Variants in LARGE1 observed in about 807,000 individuals in gnomAD.
The protein encoded by LARGE1 is xylosyl- and glucuronyltransferase LARGE1.
In LARGE1, 43 loss-of-function variants were observed where a neutral mutation model predicts 87.6. The observed-to-expected ratio is 0.49, with a 90% CI of 0.38 to 0.63. LARGE1 has a LOEUF of 0.63. Among genes scored for constraint, LARGE1 ranks in the 30% least tolerant of loss-of-function variants. The pLI is 0.00. For missense variants in LARGE1, 802 were observed against 1,000.2 expected, an observed-to-expected ratio of 0.80 and a Z score of 2.67; for synonymous variants, 434 against 394.6, an observed-to-expected ratio of 1.10 and a Z score of -1.18.
chr22:33,608,161 G>A (rs574112479), intron 4 of LARGE1, among the ~76,000 whole-genome samples: 1 of 152,296 alleles, frequency 6.6e-6, no homozygotes, highest in East Asian at 1.9e-4. Flanking sequence ...TATTAACGGA[G>A]AATGGATAAA....
intron 10 of LARGE1, among the ~76,000 whole-genome samples, chr22:33,327,095 T>C (rs1937311706): frequency 6.6e-6 from 1 of 152,344 alleles, no homozygotes; most frequent in South Asian, 2.1e-4. Flanking sequence ...CATTCTGGGC[T>C]TTCTCCGGGA....
chr22:33,477,468 A>T (rs559127709), intron 6 of LARGE1, among the ~76,000 whole-genome samples: 1 of 152,302 alleles, frequency 6.6e-6, no homozygotes, highest in East Asian at 1.9e-4. Flanking sequence ...AAAATGTGTC[A>T]ATCTGTATTC....
intron 5 of LARGE1, among the ~76,000 whole-genome samples, chr22:33,599,529 G>C (rs2148956978): frequency 6.6e-6 from 1 of 152,268 alleles, no homozygotes; most frequent in Admixed American, 6.5e-5. Context: ...AGGCCATAGA[G>C]ATAGGCAGGC....
Position 33,520,898 on chromosome 22 carries a change from C to A in LARGE1, c.787+43950G>T, listed in dbSNP as rs1296166229. Among the ~76,000 whole-genome samples the A allele has an allele frequency of 2.0e-5, 3 of 152,194 alleles. No homozygotes were observed. The East Asian group carries it at 5.8e-4, about 29-fold the overall frequency. Reference sequence around the variant, plus strand: ...TGTATTTTCATTGCACTGATCAGCACCTGAAATCAATGTATCTATTAGTAA... The same window carrying A: ...TGTATTTTCATTGCACTGATCAGCAACTGAAATCAATGTATCTATTAGTAA... On this transcript the variant is annotated intron_variant, in intron 6 of 14. Transcript: ENST00000397394.
intron 7 of LARGE1, among the ~76,000 whole-genome samples, chr22:33,421,976 G>A (rs1157884845): frequency 6.6e-6 from 1 of 152,256 alleles, no homozygotes; most frequent in Non-Finnish European, 1.5e-5. Context: ...GTTAAGTGGA[G>A]AGAAGTAGCC....
In LARGE1 at chr22:33,283,280, A is replaced by G. The variant is rs1930821948; in HGVS notation, c.1799T>C (p.Leu600Pro). ...CTTGGGGAAGGACAGCCGGTAGCGCAGTGTCTCGAACGCGGGGACAATCAT... is the reference window on the plus strand; with the variant it reads ...CTTGGGGAAGGACAGCCGGTAGCGCGGTGTCTCGAACGCGGGGACAATCAT... The part of the protein sequence containing the change: ...KAMIVPAFET[L>P]RYRLSFPKSK... The change falls in exon 13 of 15, where the codon CTG (leucine) becomes CCG (proline). Residue 600 changes from leucine to proline, a missense_variant. By Grantham distance (98) the Leu-to-Pro change is moderately conservative. Coordinates refer to ENST00000397394, the MANE Select transcript of LARGE1 (RefSeq NM_133642.5). 1 of 1,614,040 alleles carries G rather than the reference A, an allele frequency of 6.2e-7. No individual in the cohort carries two copies. The highest frequency in any genetic ancestry group is 8.5e-7 in the Non-Finnish European group (1 of 1,180,030).
chr22:33,410,098 A>G (rs1339826703), intron 7 of LARGE1, among the ~76,000 whole-genome samples: 1 of 152,158 alleles, frequency 6.6e-6, no homozygotes, highest in African/African-American at 2.4e-5. Context: ...GAACTACTGA[A>G]GGAAGAGTCT....
chr22:33,739,863 GATGAGATGAGAGCACCTCAAGGT>G (rs1340594545), intron 2 of LARGE1, among the ~76,000 whole-genome samples: 2 of 152,188 alleles, frequency 1.3e-5, no homozygotes, highest in Non-Finnish European at 1.5e-5. Flanking sequence ...GGAGGCGGGG[GATGAGATGAGAGCACCTCAAGGT>G]ATGAGTACAG....
chr22:33,275,054 A>G (rs1267334665), intron 14 of LARGE1, among the ~76,000 whole-genome samples: 1 of 152,210 alleles, frequency 6.6e-6, no homozygotes, highest in Non-Finnish European at 1.5e-5. Context: ...GATTCCTCAT[A>G]GGACTTGATG....
At chr22:33,389,850 C>A (rs1252536680) in intron 7 of LARGE1, among the ~76,000 whole-genome samples, 1 of 47,260 alleles carries the variant, frequency 2.1e-5, no homozygotes, top group African/African-American at 5.2e-4. Context: ...GTCTCAAAAA[C>A]CAACCAACCA....
chr22:33,747,652 T>A lies in LARGE1; in HGVS notation c.106+13719A>T, dbSNP rs1349723876. The A allele has an allele frequency of 2.0e-5, 3 of 152,332 alleles. No homozygotes were observed. The South Asian group carries it at 6.2e-4, about 32-fold the overall frequency. 9.4% of individuals were successfully genotyped at this position (152,332 alleles called of 1,614,324 possible). A position where few individuals can be genotyped will look rare whatever the true frequency, so the allele number is the denominator to read the frequency against. ...AGAGCATGATGTTGTTCGATCATCA[T>A]CTCTCTCCATCCACTAGGAAAACTA... On this transcript the variant is annotated intron_variant, in intron 2 of 14. Coordinates refer to ENST00000397394, the MANE Select transcript of LARGE1 (RefSeq NM_133642.5).
At chr22:33,915,448 T>C (rs1368806126) in intron 1 of LARGE1, among the ~76,000 whole-genome samples, 1 of 152,160 alleles carries the variant, frequency 6.6e-6, no homozygotes, top group Non-Finnish European at 1.5e-5. Context: ...TTTCATATTA[T>C]ATCATTTGTC....
intron 6 of LARGE1, among the ~76,000 whole-genome samples, chr22:33,452,585 G>C (rs2067975304): frequency 6.6e-6 from 1 of 152,196 alleles, no homozygotes; most frequent in Non-Finnish European, 1.5e-5. Flanking sequence ...TGCCTGGGGG[G>C]ACATCTGTTC....
At chr22:33,286,821 T>C (rs1461086703) in intron 12 of LARGE1, among the ~76,000 whole-genome samples, 21 of 152,244 alleles carry the variant, frequency 1.4e-4, no homozygotes. Context: ...TCAGTTGCTA[T>C]AGGAGCTGCT....
At chr22:33,166,718 G>T (rs559374500) in exon 12 of LARGE1, 15 of 470,862 alleles carry the variant, frequency 3.2e-5, no homozygotes, top group South Asian at 2.3e-4. Context: ...GGCTCATGAA[G>T]AACAGTACCC....
chr22:33,626,498 C>A (rs2079927291), intron 3 of LARGE1, among the ~76,000 whole-genome samples, 172 bp from the exon 4 acceptor site: 1 of 152,110 alleles, frequency 6.6e-6, no homozygotes, highest in African/African-American at 2.4e-5. Flanking sequence ...TTATTAAGGC[C>A]TTTTTAATCG....
chr22:33,254,683 C>T (rs891263766), intron 11 of LARGE1, among the ~76,000 whole-genome samples: 3 of 152,156 alleles, frequency 2.0e-5, no homozygotes, highest in African/African-American at 7.2e-5. Flanking sequence ...ATAGAACCTG[C>T]CTCACTGGGT....
chr22:33,090,153 C>T, the LARGE1 span, among the ~76,000 whole-genome samples: 2 of 152,072 alleles, frequency 1.3e-5, no homozygotes, highest in Non-Finnish European at 2.9e-5. Flanking sequence ...TGCAGATAGC[C>T]GAGATCGCAC....
intron 10 of LARGE1, among the ~76,000 whole-genome samples, chr22:33,324,974 T>A (rs2146406901): frequency 6.6e-6 from 1 of 152,294 alleles, no homozygotes; most frequent in Middle Eastern, 3.4e-3. Flanking sequence ...ACTCTACAGA[T>A]CAAGAACCAC....
Sources: allele counts gnomAD v4.1 joint callset (sites outside exome capture counted in the v4.1 genomes callset), GRCh38; gene constraint gnomAD v4.1.1; transcripts MANE v1.5; gene names NCBI Gene and HGNC (gene_info 2026-07-23, HGNC 2026-07-21).